RBMS3: variants seen among roughly 807,000 people sequenced by gnomAD.
RBMS3 encodes RNA binding motif single stranded interacting protein 3.
In RBMS3, 27 loss-of-function variants were observed where a neutral mutation model predicts 66.8. The observed-to-expected ratio is 0.40, with a 90% CI of 0.30 to 0.56. The LOEUF (loss-of-function observed/expected upper bound fraction) is 0.56, where lower values mean the gene tolerates loss of function less well. Ranked by LOEUF, RBMS3 falls within the 20% of genes least tolerant of loss-of-function variation. RBMS3 has a pLI of 0.40. For synonymous variants in RBMS3, 188 were observed against 183.0 expected (o/e 1.03, Z -0.22); for missense variants, 513 against 549.5 (o/e 0.93, Z 0.66).
intron 1 of RBMS3, among the ~76,000 whole-genome samples, chr3:29,372,063 G>A (rs1228319790): frequency 1.3e-5 from 2 of 152,170 alleles, no homozygotes; most frequent in African/African-American, 4.8e-5. Flanking sequence ...TAAGTAGGGG[G>A]AAGAGGAAGA....
At position 29,631,144 on chromosome 3, in the gene RBMS3, A is replaced by T. The variant is rs117311116; in HGVS notation, c.399+43939A>T. 7.1e-3 allele frequency among the ~76,000 whole-genome samples: 1,073 copies of T among 152,084 alleles called. 29 individuals are homozygous for T. The highest frequency in any genetic ancestry group is 0.057 in the Admixed American group (867 of 15,228). On this transcript the variant is annotated intron_variant, in intron 4 of 14. Transcript: ENST00000383767. ...AACTTTTTCTCTTTCTCCTAATTGCATTATAACTATCACTGTAAAGACAAT... is the reference window on the plus strand; with the variant it reads ...AACTTTTTCTCTTTCTCCTAATTGCTTTATAACTATCACTGTAAAGACAAT...
At chr3:29,766,575 C>T (rs538205068) in intron 6 of RBMS3, 8 of 152,020 alleles carry the variant, frequency 5.3e-5, no homozygotes, top group South Asian at 2.1e-4. Flanking sequence ...TTTTGGAACA[C>T]GCTTTATTTC....
chr3:29,805,362 C>T (rs569096221), intron 6 of RBMS3, among the ~76,000 whole-genome samples: 85 of 152,128 alleles, frequency 5.6e-4, no homozygotes, highest in African/African-American at 1.9e-3. Context: ...TATATATTTT[C>T]TATACTATAC....
chr3:29,503,640 G>C (rs2044063795), intron 3 of RBMS3, among the ~76,000 whole-genome samples: 1 of 152,068 alleles, frequency 6.6e-6, no homozygotes. Context: ...ACCATTGTCT[G>C]TGTTAATTTT....
rs148079625 is a variant in RBMS3, at chr3:29,591,227, C to A, written c.399+4022C>A. On this transcript the variant is annotated intron_variant, in intron 4 of 14. Transcript: ENST00000383767. Reference sequence around the variant, plus strand: ...ACATTTTAGGTGGCATGCATTAATTCTTTCCCAAAAAGAACCCACCTCAAA... The same window carrying A: ...ACATTTTAGGTGGCATGCATTAATTATTTCCCAAAAAGAACCCACCTCAAA... Among the ~76,000 whole-genome samples, 280 of 152,274 alleles carry A rather than the reference C, an allele frequency of 1.8e-3. 1 individual carries two copies. The highest frequency in any genetic ancestry group is 6.6e-3 in the African/African-American group (273 of 41,578).
At chr3:29,801,751 C>G (rs2057398829) in intron 6 of RBMS3, among the ~76,000 whole-genome samples, 1 of 152,016 alleles carries the variant, frequency 6.6e-6, no homozygotes, top group Non-Finnish European at 1.5e-5. Context: ...CTAGAAATTT[C>G]TGCTCTTTTT....
intron 10 of RBMS3, among the ~76,000 whole-genome samples, chr3:29,910,551 G>A (rs1056075427): frequency 6.6e-6 from 1 of 151,802 alleles, no homozygotes; most frequent in African/African-American, 2.4e-5. Flanking sequence ...TATGTCATTG[G>A]GATACTTTAT....
At chr3:29,657,124 A>G (rs1329693879) in intron 4 of RBMS3, among the ~76,000 whole-genome samples, 1 of 152,186 alleles carries the variant, frequency 6.6e-6, no homozygotes, top group Non-Finnish European at 1.5e-5. Context: ...GGAGGCTGGG[A>G]AATGTGGTAG....
chr3:29,629,464 T>G (rs897137398), intron 4 of RBMS3, among the ~76,000 whole-genome samples: 3 of 152,158 alleles, frequency 2.0e-5, no homozygotes, highest in Non-Finnish European at 2.9e-5. Flanking sequence ...AAACTGGCAT[T>G]TTCTCTGTAT....
chr3:29,488,581 C>A (rs79955498), intron 3 of RBMS3, 82 bp downstream of exon 3: 29,696 of 1,274,196 alleles, frequency 0.023, 465 homozygotes, highest in Admixed American at 0.05. Context: ...GTCCAGGTAC[C>A]AGCTGCACAA....
chr3:29,854,555 C>G (rs1559740443), intron 6 of RBMS3, among the ~76,000 whole-genome samples: 1 of 152,182 alleles, frequency 6.6e-6, no homozygotes, highest in Non-Finnish European at 1.5e-5. Flanking sequence ...TTCACCAACT[C>G]TGGTTGGAGA....
intron 1 of RBMS3, among the ~76,000 whole-genome samples, chr3:29,329,196 G>A (rs1453490553): frequency 6.6e-6 from 1 of 151,974 alleles, no homozygotes; most frequent in African/African-American, 2.4e-5. Flanking sequence ...TTTTTGTGTT[G>A]GGGTGGGGCA....
intron 14 of RBMS3, among the ~76,000 whole-genome samples, chr3:30,000,693 G>A (rs1699560005): frequency 6.6e-6 from 1 of 152,130 alleles, no homozygotes. Flanking sequence ...TATACACCAT[G>A]GAATACCATG....
intron 12 of RBMS3, among the ~76,000 whole-genome samples, chr3:29,982,292 T>A (rs1698048036): frequency 6.6e-6 from 1 of 152,104 alleles, no homozygotes; most frequent in Non-Finnish European, 1.5e-5. Flanking sequence ...TTTTTTATGG[T>A]GTCTATATGA....
chr3:29,439,124 C>T (rs537726027), intron 2 of RBMS3, among the ~76,000 whole-genome samples: 13 of 152,106 alleles, frequency 8.5e-5, no homozygotes, highest in African/African-American at 2.4e-4. Context: ...GAAAAAGCCA[C>T]GTGACTATAG....
At chr3:29,532,861 G>C (rs1440849370) in intron 3 of RBMS3, among the ~76,000 whole-genome samples, 2 of 151,998 alleles carry the variant, frequency 1.3e-5, no homozygotes, top group African/African-American at 4.8e-5. Flanking sequence ...TTTCACTTCT[G>C]TGAAGTGAAA....
At chr3:29,633,831 G>T (rs1403107221) in intron 4 of RBMS3, among the ~76,000 whole-genome samples, 1 of 151,782 alleles carries the variant, frequency 6.6e-6, no homozygotes, top group African/African-American at 2.4e-5. Flanking sequence ...CAAGGTTTCT[G>T]ACTTCCATTC....
intron 6 of RBMS3, among the ~76,000 whole-genome samples, chr3:29,776,986 T>A (rs902064305): frequency 1.3e-5 from 2 of 151,894 alleles, no homozygotes; most frequent in East Asian, 3.9e-4. Flanking sequence ...GTGGTCCCAT[T>A]TATTATGGGA....
intron 7 of RBMS3, among the ~76,000 whole-genome samples, chr3:29,882,511 T>G (rs1364449747): frequency 6.6e-6 from 1 of 152,142 alleles, no homozygotes; most frequent in African/African-American, 2.4e-5. Flanking sequence ...ATTTCAATTC[T>G]GTTTGCAAAC....
Sources: gnomAD v4.1 joint callset for allele counts (sites outside exome capture counted in the v4.1 genomes callset) on GRCh38, gnomAD v4.1.1 for gene constraint, MANE v1.5 for transcripts, NCBI Gene and HGNC (gene_info 2026-07-23, HGNC 2026-07-21) for gene names.